The following EPHA10 variants were observed in gnomAD, a reference collection of about 807,000 sequenced individuals.
EPHA10 encodes the protein ephrin type-A receptor 10.
In EPHA10, 120 loss-of-function variants were observed where a neutral mutation model predicts 109.7. The ratio of observed to expected loss-of-function variants is 1.09; its 90% CI spans 0.94 to 1.27. EPHA10 has a LOEUF of 1.27. EPHA10 is among the 50% of genes most tolerant of loss of function. EPHA10 has a pLI of 0.00. For synonymous variants in EPHA10, 640 were observed against 618.9 expected (o/e 1.03, Z -0.51); for missense variants, 1,396 against 1,411.1 (o/e 0.99, Z 0.17).
intron 8 of EPHA10, among the ~76,000 whole-genome samples, chr1:37,724,898 G>A (rs1245905771): frequency 6.6e-6 from 1 of 152,194 alleles, no homozygotes; most frequent in East Asian, 1.9e-4. Flanking sequence ...ACAGCAGCAT[G>A]TCAGCTTACC....
chr1:37,725,465 C>T (rs940404356), intron 8 of EPHA10, among the ~76,000 whole-genome samples: 3 of 140,164 alleles, frequency 2.1e-5, no homozygotes, highest in Non-Finnish European at 4.5e-5. Flanking sequence ...GAGATCATGC[C>T]ACTGCACCTC....
At chr1:37,740,226 A>G (rs1646132715) in intron 5 of EPHA10, among the ~76,000 whole-genome samples, 1 of 152,194 alleles carries the variant, frequency 6.6e-6, no homozygotes, top group African/African-American at 2.4e-5. Context: ...CCAGGTCACA[A>G]CCCAGAGCAA....
rs1273494627 is a variant in EPHA10, at chr1:37,716,478, G to T, written c.*1894C>A. The T allele has an allele frequency of 4.3e-6, 1 of 233,258 alleles. No homozygotes were observed. Among genetic ancestry groups the T allele is most frequent in the East Asian group, 6.1e-5 (1 of 16,464 alleles). The allele number at this position is 233,258 out of a possible 1,614,324, so 14.4% of individuals were successfully genotyped here. On this transcript the variant is annotated 3_prime_UTR_variant, in exon 17 of 17. Transcript: ENST00000373048. ...GGGGGCTCCCCCAACCCTGACTAAG[G>T]TGGTAGCAACATCTTGGTCTCCCCA...
chr1:37,731,259 T>C, intron 7 of EPHA10, 152 bp downstream of exon 7: 1 of 778,342 alleles, frequency 1.3e-6, no homozygotes, highest in Non-Finnish European at 1.8e-6. Flanking sequence ...AGTCATTAAT[T>C]AATTAGGCTG....
intron 5 of EPHA10, among the ~76,000 whole-genome samples, chr1:37,750,012 T>C (rs931889909): frequency 2.6e-5 from 4 of 152,222 alleles, no homozygotes; most frequent in African/African-American, 9.6e-5. Flanking sequence ...AAAATGTCTT[T>C]ATATGGTGCA....
intron 5 of EPHA10, among the ~76,000 whole-genome samples, chr1:37,745,160 G>C (rs959992652): frequency 6.6e-6 from 1 of 152,182 alleles, no homozygotes; most frequent in Admixed American, 6.5e-5. Context: ...AGGCCAGCCA[G>C]TTTTTTGGCA....
At chr1:37,736,280 C>A (rs942110644) in intron 5 of EPHA10, among the ~76,000 whole-genome samples, 16 of 151,976 alleles carry the variant, frequency 1.1e-4, no homozygotes, top group Non-Finnish European at 2.1e-4. Context: ...AGTTCGAGAC[C>A]AGCCTGATCA....
chr1:37,734,358 A>G (rs1646034882), intron 6 of EPHA10, among the ~76,000 whole-genome samples: 1 of 151,874 alleles, frequency 6.6e-6, no homozygotes, highest in South Asian at 2.1e-4. Context: ...ACACGATGAA[A>G]CCTCGTCTCT....
At chr1:37,719,640 C>T (rs1306323397) in intron 14 of EPHA10, 33 bp from the exon 15 acceptor site, 7 of 1,609,620 alleles carry the variant, frequency 4.3e-6, no homozygotes, top group Non-Finnish European at 5.9e-6. Context: ...AGAGAGGAGG[C>T]TCTGGGTTTC....
In EPHA10 at chr1:37,732,863, C is replaced by CTTTTTTTTTTTTTTTT. The variant is rs56226051; in HGVS notation, c.1492-1297_1492-1282dup. The stretch of plus-strand genomic sequence containing the variant: ...CAAATATAGCCCTTTTATACTTGTT[C>CTTTTTTTTTTTTTTTT]TTTTTTTTTTTTTTTTTTTTTTTTT... On this transcript the variant is annotated intron_variant, in intron 6 of 16. Coordinates refer to ENST00000373048, the MANE Select transcript of EPHA10 (RefSeq NM_001099439.2). 1.0e-3 allele frequency among the ~76,000 whole-genome samples: 26 copies of CTTTTTTTTTTTTTTTT among 25,046 alleles called. 8 individuals carry two copies. The highest frequency in any genetic ancestry group is 1.6e-3 in the African/African-American group (12 of 7,486). The allele number at this position is 25,046 out of a possible 152,430, so 16.4% of individuals were successfully genotyped here.
At chr1:37,747,552 CAAA>C (rs35864756) in intron 5 of EPHA10, among the ~76,000 whole-genome samples, 5 of 108,572 alleles carry the variant, frequency 4.6e-5, no homozygotes, top group Non-Finnish European at 3.8e-5. Flanking sequence ...GAAACTGTCT[CAAA>C]AAAAAAAAAA....
chr1:37,738,693 T>C (rs1317485233), intron 5 of EPHA10, among the ~76,000 whole-genome samples: 1 of 152,164 alleles, frequency 6.6e-6, no homozygotes, highest in East Asian at 1.9e-4. Flanking sequence ...CTTGAAGAGA[T>C]ACTGCTCACC....
In EPHA10 at chr1:37,716,507, C is replaced by A. The variant is rs568467430; in HGVS notation, c.*1865G>T. On this transcript the variant is annotated 3_prime_UTR_variant, in exon 17 of 17. Coordinates refer to ENST00000373048, the MANE Select transcript of EPHA10 (RefSeq NM_001099439.2). Reference sequence around the variant, plus strand: ...TAGCAACATCTTGGTCTCCCCAGTACCCCCAGAGTCACTGAGCTGGGGCAG... The same window carrying A: ...TAGCAACATCTTGGTCTCCCCAGTAACCCCAGAGTCACTGAGCTGGGGCAG... 4.3e-5 allele frequency: 10 copies of A among 232,132 alleles called. No homozygotes were observed. Among genetic ancestry groups the A allele is most frequent in the African/African-American group, 2.0e-4 (9 of 45,336 alleles). The allele number at this position is 232,132 out of a possible 1,614,324, so 14.4% of individuals were successfully genotyped here. A position where few individuals can be genotyped will look rare whatever the true frequency, so the allele number is the denominator to read the frequency against.
At position 37,727,194 on chromosome 1, in the gene EPHA10, C is replaced by A; in HGVS notation, c.1680G>T (p.Arg560Ser). 6.2e-7 allele frequency: 1 copy of A among 1,606,052 alleles called. No homozygotes were observed. The highest frequency in any genetic ancestry group is 1.1e-5 in the South Asian group (1 of 90,054). Residue 560 changes from arginine to serine, a missense_variant, in exon 8 of 17, where the codon AGG becomes AGT. Transcript: ENST00000373048. ...TGACGACAATGGCGGGGCTCTGGTC[C>A]CTGGACCCTGAGGCAGCTGGGAGGA... ...QTLGEAASGS[R>S]DQSPAIVVTV...
downstream of EPHA10, among the ~76,000 whole-genome samples, chr1:37,714,256 T>C (rs1645661455): frequency 6.6e-6 from 1 of 152,064 alleles, no homozygotes; most frequent in African/African-American, 2.4e-5. Context: ...CTAAAGAACA[T>C]GAATGGCCCG....
intron 13 of EPHA10, 115 bp downstream of exon 13, chr1:37,720,236 C>T: frequency 7.1e-7 from 1 of 1,411,484 alleles, no homozygotes; most frequent in Non-Finnish European, 9.5e-7. Flanking sequence ...GCATTTATGC[C>T]AAGACCAACT....
chr1:37,765,015 G>A lies in EPHA10; in HGVS notation c.52C>T (p.Gln18Ter), dbSNP rs1372446284. Residue 18 changes from glutamine (Q) to a stop codon, truncating the protein, a stop_gained, in exon 1 of 17, where the codon CAG becomes TAG. Transcript: ENST00000373048. LOFTEE classifies it high-confidence loss of function. ...CCCAAAAGCAGCGCGAGACAGAGCT[G>A]CATCCGGCAGAGGAAGAGGCGCAGC... is the stretch of plus-strand genomic sequence containing the variant. ...HPLRLFLCRM[Q>*]LCLALLLGPW... 5 of 1,610,700 alleles carry A rather than the reference G, an allele frequency of 3.1e-6. No homozygotes were observed. The African/African-American group carries it at 4.0e-5, about 13-fold the overall frequency.
intron 5 of EPHA10, among the ~76,000 whole-genome samples, chr1:37,747,456 C>A (rs537793475): frequency 6.7e-6 from 1 of 150,070 alleles, no homozygotes; most frequent in South Asian, 2.1e-4. Flanking sequence ...GAGGCTGAGG[C>A]AGGAGAATCG....
chr1:37,749,323 A>G (rs1469429653), intron 5 of EPHA10, among the ~76,000 whole-genome samples: 1 of 152,168 alleles, frequency 6.6e-6, no homozygotes, highest in Non-Finnish European at 1.5e-5. Context: ...AAATGGAAAT[A>G]GAAGAGTATT....
Sources: allele counts gnomAD v4.1 joint callset (sites outside exome capture counted in the v4.1 genomes callset), GRCh38; gene constraint gnomAD v4.1.1; transcripts MANE v1.5; gene names NCBI Gene and HGNC (gene_info 2026-07-23, HGNC 2026-07-21).